The following PNPT1 variants were observed in gnomAD, a reference collection of about 807,000 sequenced individuals.
PNPT1 encodes the protein polyribonucleotide nucleotidyltransferase 1, mitochondrial.
PNPT1 carries 53 observed loss-of-function variants against 119.5 expected under a neutral mutation model. The ratio of observed to expected loss-of-function variants is 0.44; its 90% CI spans 0.36 to 0.56. PNPT1 has a LOEUF of 0.56. Ranked by LOEUF, PNPT1 falls within the 20% of genes least tolerant of loss-of-function variation. The pLI is 0.00. For missense variants in PNPT1, 948 were observed against 938.5 expected (o/e 1.01, Z -0.13); for synonymous variants, 357 against 322.1 (o/e 1.11, Z -1.16).
chr2:55,679,347 T>C (rs1006222016), intron 8 of PNPT1, among the ~76,000 whole-genome samples: 1 of 152,194 alleles, frequency 6.6e-6, no homozygotes, highest in Non-Finnish European at 1.5e-5. Context: ...AAATAAGTTA[T>C]TTAGACTAAT....
chr2:55,640,576 AG>A, intron 26 of PNPT1, 50 bp downstream of exon 26: 1 of 1,397,000 alleles, frequency 7.2e-7, no homozygotes, highest in Non-Finnish European at 1.0e-6. Flanking sequence ...ATTTCAATAC[AG>A]TGTTTCAAGG....
chr2:55,649,335 C>T (rs759263473), intron 18 of PNPT1, among the ~76,000 whole-genome samples: 1 of 152,128 alleles, frequency 6.6e-6, no homozygotes, highest in Admixed American at 6.5e-5. Context: ...GAATCACTGT[C>T]AAAAAATCCT....
intron 12 of PNPT1, 127 bp from the exon 13 acceptor site, chr2:55,667,220 T>C: frequency 1.5e-6 from 1 of 653,162 alleles, no homozygotes; most frequent in Non-Finnish European, 2.7e-6. Flanking sequence ...CTTTAAAAAA[T>C]AATAGATACT....
At chr2:55,650,825 G>A (rs959245668) in intron 18 of PNPT1, among the ~76,000 whole-genome samples, 5 of 149,656 alleles carry the variant, frequency 3.3e-5, no homozygotes, top group East Asian at 2.0e-4. Context: ...AAGCCCCTCC[G>A]CCCAGCAGCC....
chr2:55,637,671 T>C, intron 26 of PNPT1, 72 bp from the exon 27 acceptor site: 1 of 1,291,574 alleles, frequency 7.7e-7, no homozygotes, highest in Non-Finnish European at 1.1e-6. Flanking sequence ...ACACATTTTT[T>C]CCTCAAGCTT....
chr2:55,686,962 C>T (rs1157219997), intron 2 of PNPT1, among the ~76,000 whole-genome samples: 1 of 151,752 alleles, frequency 6.6e-6, no homozygotes, highest in African/African-American at 2.4e-5. Context: ...CGTCTGTAAT[C>T]CCAGCACTTT....
chr2:55,684,222 G>C (rs1165658506), intron 4 of PNPT1, among the ~76,000 whole-genome samples: 1 of 152,254 alleles, frequency 6.6e-6, no homozygotes, highest in Non-Finnish European at 1.5e-5. Flanking sequence ...GCCGAGCACA[G>C]TGGTTCACGC....
chr2:55,639,040 T>G (rs1695761236), intron 26 of PNPT1, among the ~76,000 whole-genome samples: 1 of 152,158 alleles, frequency 6.6e-6, no homozygotes, highest in African/African-American at 2.4e-5. Flanking sequence ...CCTCCCAAAG[T>G]GCTGGGCTTA....
intron 11 of PNPT1, among the ~76,000 whole-genome samples, chr2:55,671,002 T>A (rs1696895268): frequency 6.6e-6 from 1 of 152,054 alleles, no homozygotes; most frequent in African/African-American, 2.4e-5. Context: ...TTTCTTTTAA[T>A]GCTTTTAAAA....
At chr2:55,650,955 G>GC (rs1405546935) in intron 18 of PNPT1, among the ~76,000 whole-genome samples, 17 of 147,224 alleles carry the variant, frequency 1.2e-4, no homozygotes, top group East Asian at 2.1e-4. Flanking sequence ...GGGGGGATCA[G>GC]CCCCCCGCCC....
chr2:55,685,661 C>T (rs1697383761), intron 3 of PNPT1, among the ~76,000 whole-genome samples: 1 of 152,102 alleles, frequency 6.6e-6, no homozygotes, highest in Non-Finnish European at 1.5e-5. Flanking sequence ...TAATTGTACA[C>T]CCCTTTTCAT....
chr2:55,680,837 C>T lies in PNPT1; in HGVS notation c.517+18G>A. 6.2e-7 allele frequency: 1 copy of T among 1,612,630 alleles called. No homozygotes were observed. On this transcript the variant is annotated intron_variant, in intron 6 of 27. Coordinates refer to ENST00000447944, the MANE Select transcript of PNPT1 (RefSeq NM_033109.5). ...AAATTTTTAATCTGATAATTTTAAT[C>T]TCTACTTTTATACTTACCGCCATTA...
At chr2:55,645,694 C>A (rs569256777) in intron 21 of PNPT1, among the ~76,000 whole-genome samples, 1 of 152,216 alleles carries the variant, frequency 6.6e-6, no homozygotes, top group South Asian at 2.1e-4. Flanking sequence ...CTTAGTTGTG[C>A]TTCTTCTTTT....
intron 1 of PNPT1, among the ~76,000 whole-genome samples, chr2:55,691,672 T>A (rs981985308): frequency 6.6e-6 from 1 of 151,992 alleles, no homozygotes; most frequent in Non-Finnish European, 1.5e-5. Context: ...TGAAATGTTC[T>A]GGGCATTTCT....
At chr2:55,680,425 T>TAAA (rs35483599) in intron 7 of PNPT1, among the ~76,000 whole-genome samples, 2 of 132,228 alleles carry the variant, frequency 1.5e-5, no homozygotes, top group African/African-American at 2.9e-5. Context: ...ATTTCCCAGT[T>TAAA]AAAAAAAAAA....
At position 55,679,551 on chromosome 2, in the gene PNPT1, G is replaced by C. The variant is rs191255795; in HGVS notation, c.679+131C>G. 127 of 610,310 alleles carry C rather than the reference G, an allele frequency of 2.1e-4. No individual in the cohort carries two copies. In the East Asian group the frequency reaches 2.8e-3, roughly 13 times the overall value. The allele number at this position is 610,310 out of a possible 1,614,324, so 37.8% of individuals were successfully genotyped here. A position where few individuals can be genotyped will look rare whatever the true frequency, so the allele number is the denominator to read the frequency against. On this transcript the variant is annotated intron_variant, in intron 8 of 27. Transcript: ENST00000447944. ...GATATGAAGCAAGAGCACAAAAATA[G>C]GACAGAGATAAAACATGACAAAAAT...
chr2:55,639,719 T>C (rs1214726413), intron 26 of PNPT1, among the ~76,000 whole-genome samples: 8 of 152,208 alleles, frequency 5.3e-5, no homozygotes, highest in African/African-American at 1.9e-4. Context: ...ATTGAAATTT[T>C]TGCCATATAA....
rs146330199 is a variant in PNPT1, at chr2:55,659,086, C to A, written c.1284+1071G>T. 5.3e-5 allele frequency among the ~76,000 whole-genome samples: 8 copies of A among 152,270 alleles called. No individual in the cohort carries two copies. The East Asian group carries it at 1.5e-3, about 29-fold the overall frequency. On this transcript the variant is annotated intron_variant, in intron 15 of 27. Transcript: ENST00000447944. ...CCTCCCATCTCAGCCTCCCGAGTAGCTGGGACTATAGGCACATGCCACCAT... is the reference window on the plus strand; with the variant it reads ...CCTCCCATCTCAGCCTCCCGAGTAGATGGGACTATAGGCACATGCCACCAT...
At chr2:55,637,430 A>T in intron 27 of PNPT1, 122 bp downstream of exon 27, 2 of 820,890 alleles carry the variant, frequency 2.4e-6, no homozygotes, top group Non-Finnish European at 4.1e-6. Context: ...ATTAAAAATG[A>T]AGTACTGCAT....
Sources: gnomAD v4.1 joint callset for allele counts (sites outside exome capture counted in the v4.1 genomes callset) on GRCh38, gnomAD v4.1.1 for gene constraint, MANE v1.5 for transcripts, NCBI Gene and HGNC (gene_info 2026-07-23, HGNC 2026-07-21) for gene names.